Variants in FHOD3 observed in about 807,000 individuals in gnomAD.
The protein encoded by FHOD3 is formin homology 2 domain containing 3, also known as FH1/FH2 domain-containing protein 3.
In FHOD3, 90 loss-of-function variants were observed where a neutral mutation model predicts 173.0. That is an observed-to-expected ratio of 0.52 (90% CI 0.44 to 0.62). The LOEUF (loss-of-function observed/expected upper bound fraction) is 0.62, where lower values mean the gene tolerates loss of function less well. Among genes scored for constraint, FHOD3 ranks in the 20% least tolerant of loss-of-function variants. FHOD3 has a pLI of 0.00. For missense variants in FHOD3, 1,945 were observed against 2,034.7 expected (o/e 0.96, Z 0.85); for synonymous variants, 828 against 823.0 (o/e 1.01, Z -0.10).
At chr18:36,525,860 C>T (rs1332794643) in intron 5 of FHOD3, among the ~76,000 whole-genome samples, 1 of 152,212 alleles carries the variant, frequency 6.6e-6, no homozygotes, top group African/African-American at 2.4e-5. Flanking sequence ...CTCTCTTCCA[C>T]ACACAAAAGA....
chr18:36,659,772 C>T (rs2036658145), intron 14 of FHOD3, among the ~76,000 whole-genome samples: 1 of 152,172 alleles, frequency 6.6e-6, no homozygotes, highest in Admixed American at 6.5e-5. Context: ...ATTACCAAAG[C>T]CCTGGGCTTG....
intron 2 of FHOD3, among the ~76,000 whole-genome samples, chr18:36,364,291 G>A (rs2046781574): frequency 6.6e-6 from 1 of 152,026 alleles, no homozygotes; most frequent in Non-Finnish European, 1.5e-5. Flanking sequence ...AATAGCTATA[G>A]CATCCTGACC....
intron 5 of FHOD3, among the ~76,000 whole-genome samples, chr18:36,528,479 T>A (rs183508404): frequency 7.0e-4 from 107 of 152,296 alleles, no homozygotes; most frequent in Admixed American, 1.1e-3. Flanking sequence ...TTTTCCTATG[T>A]AAAGGGCACC....
chr18:36,496,305 T>G (rs182650290), intron 3 of FHOD3, among the ~76,000 whole-genome samples: 2 of 152,284 alleles, frequency 1.3e-5, no homozygotes, highest in African/African-American at 4.8e-5. Context: ...AAGTTGCTGG[T>G]TTGGGCATGA....
intron 2 of FHOD3, among the ~76,000 whole-genome samples, chr18:36,365,057 A>G (rs1040109725): frequency 9.9e-5 from 15 of 152,126 alleles, no homozygotes; most frequent in Non-Finnish European, 1.5e-5. Flanking sequence ...AGAATGAGCT[A>G]ATCAAGATGT....
intron 19 of FHOD3, among the ~76,000 whole-genome samples, chr18:36,724,432 C>T (rs1231444438): frequency 6.6e-6 from 1 of 152,216 alleles, no homozygotes; most frequent in African/African-American, 2.4e-5. Flanking sequence ...CGAGAACAGG[C>T]ACAGCTCTTC....
intron 3 of FHOD3, among the ~76,000 whole-genome samples, chr18:36,416,351 A>G (rs1000396936): frequency 6.6e-6 from 1 of 152,158 alleles, no homozygotes; most frequent in Non-Finnish European, 1.5e-5. Flanking sequence ...TTTCTTAACC[A>G]TCTATGATTA....
chr18:36,522,107 A>C (rs1308395485), intron 5 of FHOD3, among the ~76,000 whole-genome samples: 1 of 152,198 alleles, frequency 6.6e-6, no homozygotes, highest in Non-Finnish European at 1.5e-5. Context: ...ACTATGGACC[A>C]GGAACCCAAG....
At chr18:36,534,559 T>A (rs1234643163) in intron 5 of FHOD3, among the ~76,000 whole-genome samples, 1 of 152,120 alleles carries the variant, frequency 6.6e-6, no homozygotes, top group Non-Finnish European at 1.5e-5. Context: ...CAGGCTGGAG[T>A]GCAGTGTTGC....
At chr18:36,612,133 T>C (rs548926459) in intron 9 of FHOD3, 38 bp downstream of exon 9, 2 of 1,595,514 alleles carry the variant, frequency 1.3e-6, no homozygotes, top group East Asian at 4.5e-5. Flanking sequence ...TCGTACAGCT[T>C]TGGCAATTGT....
At chr18:36,709,045 C>A in intron 17 of FHOD3, 50 bp from the exon 18 acceptor site, 1 of 1,579,810 alleles carries the variant, frequency 6.3e-7, no homozygotes, top group South Asian at 1.2e-5. Context: ...CTCACTTCAC[C>A]CTTCCAAGAA....
intron 5 of FHOD3, among the ~76,000 whole-genome samples, chr18:36,567,985 G>A (rs1425487473): frequency 1.3e-5 from 2 of 151,888 alleles, no homozygotes; most frequent in African/African-American, 4.8e-5. Flanking sequence ...TTAAGTGGCT[G>A]AACAAGTTAA....
chr18:36,558,117 T>A (rs2057959891), intron 5 of FHOD3, among the ~76,000 whole-genome samples: 1 of 152,192 alleles, frequency 6.6e-6, no homozygotes, highest in African/African-American at 2.4e-5. Context: ...TAATACTCTG[T>A]TGACTACCCA....
intron 8 of FHOD3, among the ~76,000 whole-genome samples, chr18:36,605,831 T>G (rs2032006515): frequency 6.6e-6 from 1 of 152,178 alleles, no homozygotes; most frequent in African/African-American, 2.4e-5. Context: ...TCTGGGAAAT[T>G]ATATTGCAAG....
chr18:36,488,773 A>G (rs1475397050), intron 3 of FHOD3, among the ~76,000 whole-genome samples: 1 of 152,168 alleles, frequency 6.6e-6, no homozygotes, highest in East Asian at 1.9e-4. Flanking sequence ...AAATGCAAAT[A>G]TGGATTTAGG....
At chr18:36,391,753 C>G (rs2048309380) in intron 3 of FHOD3, among the ~76,000 whole-genome samples, 1 of 151,140 alleles carries the variant, frequency 6.6e-6, no homozygotes, top group Non-Finnish European at 1.5e-5. Flanking sequence ...GGGTTGGAGG[C>G]CTGGATGAGA....
intron 28 of FHOD3, among the ~76,000 whole-genome samples, chr18:36,775,498 C>T (rs1035775773): frequency 4.3e-4 from 66 of 152,092 alleles, no homozygotes; most frequent in African/African-American, 1.4e-3. Context: ...TTCTCTGGTC[C>T]GGGTTTGCTC....
chr18:36,350,641 A>G (rs2046078212), intron 1 of FHOD3, among the ~76,000 whole-genome samples: 1 of 152,162 alleles, frequency 6.6e-6, no homozygotes, highest in Non-Finnish European at 1.5e-5. Context: ...AGGCCAAGGA[A>G]TGGGATCAGG....
chr18:36,500,930 C>T (rs945893820), intron 3 of FHOD3, among the ~76,000 whole-genome samples: 2 of 152,162 alleles, frequency 1.3e-5, no homozygotes, highest in African/African-American at 2.4e-5. Flanking sequence ...GGAGGCTAAG[C>T]GGGATGTGTG....
Sources: allele counts gnomAD v4.1 joint callset (sites outside exome capture counted in the v4.1 genomes callset), GRCh38; gene constraint gnomAD v4.1.1; transcripts MANE v1.5; gene names NCBI Gene and HGNC (gene_info 2026-07-23, HGNC 2026-07-21).